The following RPS6KA2 variants were observed in gnomAD, a reference collection of about 807,000 sequenced individuals.
The protein encoded by RPS6KA2 is ribosomal protein S6 kinase alpha-2.
A neutral mutation model predicts 91.8 loss-of-function variants in RPS6KA2; 42 were observed. The observed-to-expected ratio is 0.46, with a 90% confidence interval of 0.36 to 0.59. RPS6KA2 has a LOEUF of 0.59. Among genes scored for constraint, RPS6KA2 ranks in the 20% least tolerant of loss-of-function variants. The pLI is 0.00. For synonymous variants in RPS6KA2, 414 were observed against 393.6 expected (o/e 1.05, Z -0.61); for missense variants, 798 against 978.5 (o/e 0.82, Z 2.46).
chr6:166,762,836 G>C (rs940777508), intron 2 of RPS6KA2, among the ~76,000 whole-genome samples: 1 of 152,196 alleles, frequency 6.6e-6, no homozygotes, highest in Admixed American at 6.5e-5. Context: ...TGTGGGCACC[G>C]AGGCTACTGC....
chr6:166,856,020 C>T (rs1780891503), intron 2 of RPS6KA2, among the ~76,000 whole-genome samples: 1 of 152,178 alleles, frequency 6.6e-6, no homozygotes, highest in Non-Finnish European at 1.5e-5. Flanking sequence ...GATAGATTCA[C>T]ATCTAGATTT....
chr6:166,826,137 G>C (rs540284281), intron 2 of RPS6KA2, among the ~76,000 whole-genome samples: 1 of 152,230 alleles, frequency 6.6e-6, no homozygotes, highest in Admixed American at 6.5e-5. Flanking sequence ...GTTATTAAGC[G>C]GCTGGGAAAA....
intron 12 of RPS6KA2, among the ~76,000 whole-genome samples, chr6:166,452,326 G>A (rs764093912): frequency 5.9e-5 from 9 of 151,900 alleles, no homozygotes; most frequent in African/African-American, 1.5e-4. Flanking sequence ...TGTAGATGAC[G>A]CAAACAAATG....
intron 3 of RPS6KA2, among the ~76,000 whole-genome samples, chr6:166,522,315 G>A (rs58620932): frequency 0.058 from 8,889 of 152,266 alleles, 890 homozygotes; most frequent in African/African-American, 0.2. Flanking sequence ...TGCACCTAAG[G>A]AAACCACTGT....
At chr6:166,842,565 G>C (rs1780511215) in intron 2 of RPS6KA2, among the ~76,000 whole-genome samples, 1 of 152,200 alleles carries the variant, frequency 6.6e-6, no homozygotes, top group African/African-American at 2.4e-5. Context: ...CCGGTGCATG[G>C]AACTTTGTTG....
intron 1 of RPS6KA2, among the ~76,000 whole-genome samples, chr6:166,552,019 T>C (rs1186127980): frequency 6.6e-6 from 1 of 152,176 alleles, no homozygotes; most frequent in Non-Finnish European, 1.5e-5. Context: ...GTTTCCATTG[T>C]CATTCGCAAG....
intron 2 of RPS6KA2, among the ~76,000 whole-genome samples, chr6:166,647,522 T>G (rs1230458761): frequency 2.0e-5 from 3 of 152,186 alleles, no homozygotes; most frequent in Admixed American, 6.5e-5. Flanking sequence ...TTCCTGTACT[T>G]TTAAGGATAA....
At chr6:166,520,578 A>G (rs1489533592) in intron 3 of RPS6KA2, among the ~76,000 whole-genome samples, 1 of 152,204 alleles carries the variant, frequency 6.6e-6, no homozygotes, top group Non-Finnish European at 1.5e-5. Flanking sequence ...AGAATTTGGT[A>G]CCCAAAAGTG....
At chr6:166,677,365 T>A (rs868082859) in intron 2 of RPS6KA2, among the ~76,000 whole-genome samples, 2,247 of 150,454 alleles carry the variant, frequency 0.015, 49 homozygotes, top group African/African-American at 0.051. Flanking sequence ...CATATCAGTT[T>A]TTTTTTTTTT....
At chr6:166,700,049 A>G (rs944125777) in intron 2 of RPS6KA2, among the ~76,000 whole-genome samples, 3 of 152,202 alleles carry the variant, frequency 2.0e-5, no homozygotes, top group East Asian at 1.9e-4. Context: ...CTTTTTGCCA[A>G]TCAGTTGAAA....
intron 1 of RPS6KA2, among the ~76,000 whole-genome samples, chr6:166,594,441 C>T (rs1284384085): frequency 1.3e-5 from 2 of 152,114 alleles, no homozygotes; most frequent in African/African-American, 4.8e-5. Context: ...AAACAAAAAA[C>T]TTGTCTGTCC....
chr6:166,772,132 T>C (rs1021859824), intron 2 of RPS6KA2, among the ~76,000 whole-genome samples: 2 of 152,240 alleles, frequency 1.3e-5, no homozygotes, highest in Non-Finnish European at 2.9e-5. Flanking sequence ...GTACTGGGCA[T>C]GTATGGTGAG....
chr6:166,679,463 C>CAATAAT (rs532173335), intron 2 of RPS6KA2, among the ~76,000 whole-genome samples: 12 of 151,670 alleles, frequency 7.9e-5, no homozygotes, highest in Non-Finnish European at 1.6e-4. Context: ...GACTCCATCT[C>CAATAAT]AATAATAATA....
chr6:166,703,702 C>T (rs566695923), intron 2 of RPS6KA2, among the ~76,000 whole-genome samples: 3 of 152,254 alleles, frequency 2.0e-5, no homozygotes, highest in East Asian at 1.9e-4. Context: ...ACATAGCAGG[C>T]GAAATCACGG....
chr6:166,610,066 G>C (rs894731787), intron 1 of RPS6KA2, among the ~76,000 whole-genome samples: 4 of 151,662 alleles, frequency 2.6e-5, no homozygotes, highest in African/African-American at 9.7e-5. Flanking sequence ...TTGCTATTTA[G>C]TTCAACATGA....
At chr6:166,703,812 T>C (rs1467345644) in intron 2 of RPS6KA2, among the ~76,000 whole-genome samples, 2 of 152,156 alleles carry the variant, frequency 1.3e-5, no homozygotes. Context: ...ATTAACCTTA[T>C]ATGTACCTTT....
chr6:166,829,858 C>T (rs1360478466), intron 2 of RPS6KA2, among the ~76,000 whole-genome samples: 2 of 151,938 alleles, frequency 1.3e-5, no homozygotes, highest in Admixed American at 6.6e-5. Context: ...GCCTGTAATC[C>T]CAGAACTTTG....
chr6:166,638,858 T>C (rs1787332115), intron 2 of RPS6KA2, among the ~76,000 whole-genome samples: 1 of 152,192 alleles, frequency 6.6e-6, no homozygotes, highest in African/African-American at 2.4e-5. Context: ...CCATCAAAAA[T>C]GTCAGTAGTT....
chr6:166,448,793 G>C lies in RPS6KA2; in HGVS notation c.1263C>G (p.Ile421Met). 1 of 1,613,792 alleles carries C rather than the reference G, an allele frequency of 6.2e-7. No individual in the cohort carries two copies. Among genetic ancestry groups the C allele is most frequent in the Admixed American group, 1.7e-5 (1 of 59,940 alleles). The stretch of plus-strand genomic sequence containing the variant: ...TGCACACTGAGTAGGAGCCCACCCC[G>C]ATGTCCTCCTTGATCTCGTAGCCAT... ...FTDGYEIKED[I>M]GVGSYSVCKR... Residue 421 changes from isoleucine (I) to methionine (M), a missense_variant, in exon 14 of 21, where the codon ATC (isoleucine) becomes ATG (methionine). By Grantham distance (10) the Ile-to-Met change is conservative (BLOSUM62 1). Transcript: ENST00000265678. This position sits in a 1 kb window ranked among gnomAD's most constrained non-coding sequence, Gnocchi z 4.7.
Sources: gnomAD v4.1 joint callset for allele counts (sites outside exome capture counted in the v4.1 genomes callset) on GRCh38, gnomAD v4.1.1 for gene constraint, Gnocchi (gnomAD v3.1) non-coding constraint, MANE v1.5 for transcripts, NCBI Gene and HGNC (gene_info 2026-07-23, HGNC 2026-07-21) for gene names.